The following VPS33B variants were observed in gnomAD, a reference collection of about 807,000 sequenced individuals.
The protein encoded by VPS33B is vacuolar protein sorting-associated protein 33B.
VPS33B carries 80 observed loss-of-function variants against 95.3 expected under a neutral mutation model. The observed-to-expected ratio is 0.84, with a 90% CI of 0.70 to 1.01. The LOEUF (loss-of-function observed/expected upper bound fraction) is 1.01. VPS33B is among the 50% of genes least tolerant of loss of function. VPS33B has a pLI of 0.00. For missense variants in VPS33B, 715 were observed against 773.4 expected (o/e 0.92, Z 0.90); for synonymous variants, 280 against 280.4 (o/e 1.00, Z 0.01).
At chr15:91,017,720 T>A in intron 2 of VPS33B, 85 bp downstream of exon 2, 1 of 1,256,892 alleles carries the variant, frequency 8.0e-7, no homozygotes, top group Middle Eastern at 1.8e-4. Flanking sequence ...CCTACAAGAG[T>A]AGTCACTCTT....
intron 1 of VPS33B, among the ~76,000 whole-genome samples, chr15:91,020,251 C>T (rs1316433723): frequency 3.3e-5 from 5 of 152,118 alleles, no homozygotes; most frequent in African/African-American, 1.2e-4. Context: ...TTTATAATCA[C>T]CATAAAAAAG....
intron 5 of VPS33B, among the ~76,000 whole-genome samples, chr15:91,012,246 G>C (rs971101855): frequency 6.6e-6 from 1 of 152,090 alleles, no homozygotes; most frequent in African/African-American, 2.4e-5. Flanking sequence ...ATAAATATTT[G>C]TAAGATTGTG....
rs116260890 is a variant in VPS33B, at chr15:91,008,556, C to T, written c.404-592G>A. Among the ~76,000 whole-genome samples the T allele has an allele frequency of 7.5e-3, 1,149 of 152,264 alleles. 20 individuals carry two copies. Among genetic ancestry groups the T allele is most frequent in the African/African-American group, 0.026 (1,094 of 41,542 alleles). On this transcript the variant is annotated intron_variant, in intron 6 of 22. Coordinates refer to ENST00000333371, the MANE Select transcript of VPS33B (RefSeq NM_018668.5). ...CTGGGATTACAGGTGTGAGCCACCA[C>T]GCCCAGCTCACTCATTCATTATTCA...
chr15:91,004,223 A>G (rs1391795917), intron 16 of VPS33B, among the ~76,000 whole-genome samples: 1 of 107,464 alleles, frequency 9.3e-6, no homozygotes, highest in African/African-American at 3.9e-5. Context: ...ACTCTGTCTT[A>G]AAAAAAAAAA....
Position 91,022,150 on chromosome 15 carries a change from T to A in VPS33B, c.96+4A>T. On this transcript the variant is annotated splice_donor_region_variant and intron_variant, in intron 1 of 22. Coordinates refer to ENST00000333371, the MANE Select transcript of VPS33B (RefSeq NM_018668.5). ...TGCGATAAAGGCGTCAGGCAAGCAC[T>A]GACCTGCTCCAGCAGATAGATGAGC... 6.4e-7 allele frequency: 1 copy of A among 1,559,122 alleles called. No individual in the cohort carries two copies. Among genetic ancestry groups the A allele is most frequent in the Non-Finnish European group, 8.7e-7 (1 of 1,150,476 alleles).
chr15:91,005,983 G>C lies in VPS33B; in HGVS notation c.929C>G (p.Ala310Gly). 6.2e-7 allele frequency: 1 copy of C among 1,614,114 alleles called. No individual in the cohort carries two copies. Among genetic ancestry groups the C allele is most frequent in the Non-Finnish European group, 8.5e-7 (1 of 1,180,006 alleles). ...FLSQKARNLQ[A>G]QYDRRRGMDI... ...GGCTTGGAGCCTCACATCATACTGG[G>C]CCTGCAAGTTCCGGGCCTTCTGGCT... Residue 310 changes from alanine (A) to glycine (G), a missense_variant, in exon 12 of 23, where the codon GCC (alanine) becomes GGC (glycine). Transcript: ENST00000333371. The surrounding 1 kb of genome is among the most constrained non-coding windows in gnomAD (Gnocchi z 6.4).
chr15:91,003,165 A>G, intron 16 of VPS33B, 34 bp from the exon 17 acceptor site: 1 of 1,612,848 alleles, frequency 6.2e-7, no homozygotes, highest in Non-Finnish European at 8.5e-7. Flanking sequence ...GGTGCATGAG[A>G]AAGAGGCCGG....
rs556181410 is a variant in VPS33B at position 91,005,003 on chromosome 15, G to A, written c.1170+52C>T. ...TGTTCTTTTCCTTCTGCTTAAGGCC[G>A]ACCCCACCTCTAAATGCCATTCTTG... On this transcript the variant is annotated intron_variant, in intron 15 of 22. Coordinates refer to ENST00000333371, the MANE Select transcript of VPS33B (RefSeq NM_018668.5). The surrounding 1 kb of genome is among the most constrained non-coding windows in gnomAD (Gnocchi z 6.4). The A allele has an allele frequency of 4.3e-6, 7 of 1,614,056 alleles. No individual in the cohort carries two copies. The highest frequency in any genetic ancestry group is 2.2e-5 in the East Asian group (1 of 44,890).
chr15:91,018,122 C>G lies in VPS33B; in HGVS notation c.97-237G>C. The stretch of plus-strand genomic sequence containing the variant: ...GAAGAAGACATCCCACCTTCTTTCT[C>G]AGGTTAACTCCTTGTCACTCAACCC... On this transcript the variant is annotated intron_variant, in intron 1 of 22. Coordinates refer to ENST00000333371, the MANE Select transcript of VPS33B (RefSeq NM_018668.5). This position sits in a 1 kb window ranked among gnomAD's most constrained non-coding sequence, Gnocchi z 4.7. 1 of 520,932 alleles carries G rather than the reference C, an allele frequency of 1.9e-6. No homozygotes were observed. Among genetic ancestry groups the G allele is most frequent in the Non-Finnish European group, 3.5e-6 (1 of 283,180 alleles). The allele number at this position is 520,932 out of a possible 1,614,324, so 32.3% of individuals were successfully genotyped here. A position where few individuals can be genotyped will look rare whatever the true frequency, so the allele number is the denominator to read the frequency against.
intron 2 of VPS33B, 54 bp downstream of exon 2, chr15:91,017,751 C>CA (rs2040984052): frequency 3.8e-6 from 6 of 1,561,674 alleles, no homozygotes; most frequent in Middle Eastern, 3.3e-4. Flanking sequence ...TATTGTTCAT[C>CA]AAAAGAAAAA....
chr15:91,006,532 T>C lies in VPS33B; in HGVS notation c.779-87A>G. 2 of 1,609,950 alleles carry C rather than the reference T, an allele frequency of 1.2e-6. No homozygotes were observed. The highest frequency in any genetic ancestry group is 1.7e-6 in the Non-Finnish European group (2 of 1,176,264). On this transcript the variant is annotated intron_variant, in intron 10 of 22. Transcript: ENST00000333371. This position sits in a 1 kb window ranked among gnomAD's most constrained non-coding sequence, Gnocchi z 5.4. ...AACTGCCATAAAGGTCCTCAAACTA[T>C]TTGGAAGCCAGCAGTTCATTCAGGG...
chr15:91,012,471 C>A (rs1208302800), intron 5 of VPS33B, among the ~76,000 whole-genome samples: 1 of 152,116 alleles, frequency 6.6e-6, no homozygotes, highest in African/African-American at 2.4e-5. Flanking sequence ...CAGTACCTAA[C>A]CCAAGACCAC....
intron 6 of VPS33B, among the ~76,000 whole-genome samples, chr15:91,008,876 G>T (rs1476222049): frequency 1.3e-5 from 2 of 152,170 alleles, no homozygotes; most frequent in African/African-American, 4.8e-5. Flanking sequence ...AAGGCAAAAA[G>T]CTATAGGGTG....
In VPS33B at chr15:91,007,935, A is replaced by C. The variant is rs2040662487; in HGVS notation, c.433T>G (p.Leu145Val). The change falls in exon 7 of 23, where the codon TTG (leucine) becomes GTG (valine). Residue 145 changes from leucine (L) to valine (V), a missense_variant. Physicochemically the swap from Leu to Val is conservative, Grantham distance 32. Transcript: ENST00000333371. The surrounding 1 kb of genome is among the most constrained non-coding windows in gnomAD (Gnocchi z 5.3). ...AGCAGATCCACATCAAGAGGCAGCA[A>C]AGAGAAGGCCCATTCATCACAGCTC... ...DVSCDEWAFS[L>V]LPLDVDLLSM... is the part of the protein sequence containing the mutation. 1.2e-6 allele frequency: 2 copies of C among 1,614,238 alleles called. No individual in the cohort carries two copies. The highest frequency in any genetic ancestry group is 4.5e-5 in the East Asian group (2 of 44,890).
intron 4 of VPS33B, 140 bp downstream of exon 4, chr15:91,014,244 A>C: frequency 1.2e-6 from 1 of 821,480 alleles, no homozygotes. Context: ...AAAAAAAAAG[A>C]AGCGGGGAAG....
chr15:91,013,712 G>C lies in VPS33B; in HGVS notation c.357+92C>G, dbSNP rs1276973795. 1 of 1,342,926 alleles carries C rather than the reference G, an allele frequency of 7.4e-7. No homozygotes were observed. The highest frequency in any genetic ancestry group is 2.3e-5 in the East Asian group (1 of 43,586). 83.2% of individuals were successfully genotyped at this position (1,342,926 alleles called of 1,614,324 possible). On this transcript the variant is annotated intron_variant, in intron 5 of 22. Coordinates refer to ENST00000333371, the MANE Select transcript of VPS33B (RefSeq NM_018668.5). This position sits in a 1 kb window ranked among gnomAD's most constrained non-coding sequence, Gnocchi z 4.5. ...CTGTTACAGCAACAGAAAACGAACGGAGACAGGGAGGTAGTGCTGTTGGCC... is the reference window on the plus strand; with the variant it reads ...CTGTTACAGCAACAGAAAACGAACGCAGACAGGGAGGTAGTGCTGTTGGCC...
At chr15:91,019,181 G>A (rs1297494945) in intron 1 of VPS33B, among the ~76,000 whole-genome samples, 2 of 128,806 alleles carry the variant, frequency 1.6e-5, no homozygotes, top group African/African-American at 3.1e-5. Flanking sequence ...GGAGTGGCAC[G>A]ACCTCAGCTC....
In VPS33B at chr15:91,018,573, T is replaced by C. The variant is rs987095933; in HGVS notation, c.97-688A>G. ...TCCAGCAAAGATCAGAAAGAGAGCA[T>C]AGGCTGTGTAGTAAGGGGACGATTT... On this transcript the variant is annotated intron_variant, in intron 1 of 22. Transcript: ENST00000333371. The surrounding 1 kb of genome is among the most constrained non-coding windows in gnomAD (Gnocchi z 4.7). Among the ~76,000 whole-genome samples the C allele has an allele frequency of 4.6e-5, 7 of 152,048 alleles. No homozygotes were observed. Among genetic ancestry groups the C allele is most frequent in the African/African-American group, 1.2e-4 (5 of 41,396 alleles).
Position 91,002,262 on chromosome 15 carries a change from A to G in VPS33B, c.1273-80T>C. 2 of 1,570,420 alleles carry G rather than the reference A, an allele frequency of 1.3e-6. No homozygotes were observed. Among genetic ancestry groups the G allele is most frequent in the South Asian group, 2.3e-5 (2 of 87,572 alleles). ...GTCAGGTACTACAGAGTTGAGCAGAAGGACTATGAAGCCTCTGCTGCAGTG... is the reference window on the plus strand; with the variant it reads ...GTCAGGTACTACAGAGTTGAGCAGAGGGACTATGAAGCCTCTGCTGCAGTG... On this transcript the variant is annotated intron_variant, in intron 17 of 22. Transcript: ENST00000333371. The surrounding 1 kb of genome is among the most constrained non-coding windows in gnomAD (Gnocchi z 4.7).
Sources: allele counts gnomAD v4.1 joint callset (sites outside exome capture counted in the v4.1 genomes callset), GRCh38; gene constraint gnomAD v4.1.1; non-coding constraint Gnocchi (gnomAD v3.1); transcripts MANE v1.5; gene names NCBI Gene and HGNC (gene_info 2026-07-23, HGNC 2026-07-21).